PRDM5: variants seen among roughly 807,000 people sequenced by gnomAD.
PRDM5 encodes the protein PR/SET domain 5.
Under a neutral mutation model 81.2 loss-of-function variants are expected in PRDM5, and 56 were observed. The ratio of observed to expected loss-of-function variants is 0.69; its 90% CI spans 0.56 to 0.86. The LOEUF (loss-of-function observed/expected upper bound fraction) is 0.86. Ranked by LOEUF, PRDM5 falls within the 40% of genes least tolerant of loss-of-function variation. The probability of loss-of-function intolerance (pLI) is 0.00; values close to 1 mark genes in which losing one functional copy is unlikely to be tolerated. For missense variants in PRDM5, 697 were observed against 770.1 expected, an observed-to-expected ratio of 0.91 and a Z score of 1.12; for synonymous variants, 267 against 256.4, an observed-to-expected ratio of 1.04 and a Z score of -0.39.
chr4:120,685,932 G>T (rs746631030), intron 1 of PRDM5, among the ~76,000 whole-genome samples: 1 of 151,962 alleles, frequency 6.6e-6, no homozygotes, highest in Non-Finnish European at 1.5e-5. Flanking sequence ...GGAGTTGATT[G>T]CATCATGGGG....
chr4:120,856,595 G>A (rs1025414511), intron 2 of PRDM5, among the ~76,000 whole-genome samples: 2 of 88,268 alleles, frequency 2.3e-5, no homozygotes, highest in Non-Finnish European at 5.2e-5. Flanking sequence ...TCGCCTTGCT[G>A]ACATATCATC....
intron 1 of PRDM5, among the ~76,000 whole-genome samples, chr4:120,911,226 T>C (rs1043800381): frequency 6.6e-6 from 1 of 152,204 alleles, no homozygotes; most frequent in Non-Finnish European, 1.5e-5. Flanking sequence ...GTGGACCCAA[T>C]GTTGCCAGAT....
At chr4:120,765,275 G>C (rs1746215051) in intron 13 of PRDM5, among the ~76,000 whole-genome samples, 1 of 152,170 alleles carries the variant, frequency 6.6e-6, no homozygotes, top group South Asian at 2.1e-4. Flanking sequence ...GTGTAAGCAA[G>C]CCTAGAACAG....
chr4:120,724,172 A>G (rs890602861), intron 14 of PRDM5, among the ~76,000 whole-genome samples: 2 of 152,196 alleles, frequency 1.3e-5, no homozygotes, highest in Admixed American at 6.5e-5. Flanking sequence ...CAATCAAGAT[A>G]ATTCCCATGA....
rs1578554512 is a variant in PRDM5 at position 120,692,129 on chromosome 4, T to C, written c.*2982A>G. ...GAGTTTTCATAAGCAACATTTAGAT[T>C]TGTGAAGGAAAAAAATGAATATTTC... is the stretch of plus-strand genomic sequence containing the variant. On this transcript the variant is annotated 3_prime_UTR_variant, in exon 16 of 16. Transcript: ENST00000264808. 1 of 152,190 alleles carries C rather than the reference T, an allele frequency of 6.6e-6. No homozygotes were observed. The highest frequency in any genetic ancestry group is 2.4e-5 in the African/African-American group (1 of 41,560). 9.4% of individuals were successfully genotyped at this position (152,190 alleles called of 1,614,324 possible). A position where few individuals can be genotyped will look rare whatever the true frequency, so the allele number is the denominator to read the frequency against.
At chr4:120,774,244 G>A (rs548647085) in intron 13 of PRDM5, among the ~76,000 whole-genome samples, 4 of 152,128 alleles carry the variant, frequency 2.6e-5, no homozygotes, top group African/African-American at 9.7e-5. Context: ...CATGGTCCTC[G>A]CCACTTCATT....
intron 14 of PRDM5, among the ~76,000 whole-genome samples, chr4:120,746,740 T>G (rs982257515): frequency 1.4e-5 from 2 of 146,244 alleles, no homozygotes; most frequent in African/African-American, 5.1e-5. Context: ...TGAGATACCA[T>G]CTCACACCAG....
At position 120,888,835 on chromosome 4, in the gene PRDM5, A is replaced by G. The variant is rs541966335; in HGVS notation, c.177+18639T>C. Among the ~76,000 whole-genome samples the G allele has an allele frequency of 1.5e-4, 23 of 152,370 alleles. 1 individual carries two copies. The South Asian group carries it at 3.5e-3, about 23-fold the overall frequency. On this transcript the variant is annotated intron_variant, in intron 2 of 15. Coordinates refer to ENST00000264808, the MANE Select transcript of PRDM5 (RefSeq NM_018699.4). ...TGCGCTTTTGATTCGCATTTCCCAG[A>G]TAACTAATAAAGTTAAATATCTTTT...
At chr4:120,710,959 G>C (rs1206719293) in intron 14 of PRDM5, among the ~76,000 whole-genome samples, 1 of 152,190 alleles carries the variant, frequency 6.6e-6, no homozygotes, top group Non-Finnish European at 1.5e-5. Context: ...ACCCACATCT[G>C]TCAGACACTG....
At chr4:120,872,153 A>AAAAAAAAAAAAAAAAAAAAAAC in intron 2 of PRDM5, among the ~76,000 whole-genome samples, 2 of 111,838 alleles carry the variant, frequency 1.8e-5, no homozygotes, top group African/African-American at 2.7e-5. Flanking sequence ...TCCATCTCAA[A>AAAAAAAAAAAAAAAAAAAAAAC]AAAAAAAAAA....
intron 2 of PRDM5, among the ~76,000 whole-genome samples, chr4:120,878,780 A>C (rs370456562): frequency 6.6e-6 from 1 of 152,096 alleles, no homozygotes; most frequent in African/African-American, 2.4e-5. Flanking sequence ...AAGTATAGGA[A>C]AAACATGTTG....
chr4:120,803,473 A>G (rs1468825911), intron 8 of PRDM5, among the ~76,000 whole-genome samples: 4 of 152,246 alleles, frequency 2.6e-5, no homozygotes, highest in African/African-American at 9.6e-5. Context: ...CGGGTTACCC[A>G]GAAAGGAAAG....
intron 2 of PRDM5, among the ~76,000 whole-genome samples, chr4:120,862,836 T>A (rs1038749894): frequency 1.3e-5 from 2 of 152,032 alleles, no homozygotes; most frequent in African/African-American, 4.8e-5. Flanking sequence ...ACGTCACACA[T>A]GTATGGCTGC....
intron 15 of PRDM5, among the ~76,000 whole-genome samples, chr4:120,699,155 AATATAAATATATATATATAT>A (rs1463046643): frequency 1.5e-3 from 138 of 89,562 alleles, no homozygotes; most frequent in Middle Eastern, 6.4e-3. Flanking sequence ...AATTATAGGA[AATATAAATATATATATATAT>A]ATATATATAT....
At position 120,699,161 on chromosome 4, in the gene PRDM5, A is replaced by AATATATATAT. The variant is rs70948358; in HGVS notation, c.1729-3896_1729-3887dup. ...TGTATAGGCAATTATAGGAAATATA[A>AATATATATAT]ATATATATATATATATATATATATA... is the stretch of plus-strand genomic sequence containing the variant. On this transcript the variant is annotated intron_variant, in intron 15 of 15. Transcript: ENST00000264808. 2.4e-3 allele frequency among the ~76,000 whole-genome samples: 175 copies of AATATATATAT among 73,326 alleles called. 1 individual carries two copies. The highest frequency in any genetic ancestry group is 4.6e-3 in the African/African-American group (104 of 22,446). 48.1% of individuals were successfully genotyped at this position (73,326 alleles called of 152,430 possible). A position where few individuals can be genotyped will look rare whatever the true frequency, so the allele number is the denominator to read the frequency against.
chr4:120,732,007 TATAGCTAAG>T lies in PRDM5; in HGVS notation c.1624-21603_1624-21595del, dbSNP rs1367740027. On this transcript the variant is annotated intron_variant, in intron 14 of 15. Transcript: ENST00000264808. ...AGGTGACAGAAGTTGTAATGGTTCC[TATAGCTAAG>T]ATAGTTAAGGAACTGTGTGTCTGAT... Among the ~76,000 whole-genome samples the T allele has an allele frequency of 8.5e-5, 13 of 152,320 alleles. 1 individual carries two copies. The East Asian group carries it at 2.3e-3, about 27-fold the overall frequency.
At chr4:120,805,956 A>G (rs1194474837) in intron 8 of PRDM5, among the ~76,000 whole-genome samples, 1 of 152,158 alleles carries the variant, frequency 6.6e-6, no homozygotes, top group East Asian at 1.9e-4. Flanking sequence ...AAACCCCATC[A>G]TCTCAGTCCA....
chr4:120,752,962 T>TAA (rs1217432435), intron 14 of PRDM5, among the ~76,000 whole-genome samples: 1 of 152,166 alleles, frequency 6.6e-6, no homozygotes, highest in Non-Finnish European at 1.5e-5. Flanking sequence ...TAAAATGAAG[T>TAA]AAAAAACAAA....
chr4:120,906,412 T>A (rs1396770560), intron 2 of PRDM5, among the ~76,000 whole-genome samples: 1 of 152,324 alleles, frequency 6.6e-6, no homozygotes, highest in East Asian at 1.9e-4. Context: ...GGCTATACCA[T>A]CTAGGCTTGT....
Sources: gnomAD v4.1 joint callset for allele counts (sites outside exome capture counted in the v4.1 genomes callset) on GRCh38, gnomAD v4.1.1 for gene constraint, MANE v1.5 for transcripts, NCBI Gene and HGNC (gene_info 2026-07-23, HGNC 2026-07-21) for gene names.